SPAG1: variants seen among roughly 807,000 people sequenced by gnomAD.
The protein encoded by SPAG1 is sperm associated antigen 1, also known as sperm-associated antigen 1.
A neutral mutation model predicts 100.5 loss-of-function variants in SPAG1; 69 were observed. The observed-to-expected ratio is 0.69, with a 90% CI of 0.57 to 0.84. SPAG1 has a LOEUF of 0.84. SPAG1 is among the 40% of genes least tolerant of loss of function. The pLI, the probability that SPAG1 is intolerant of heterozygous loss-of-function variation, is 0.00. For missense variants in SPAG1, 955 were observed against 1,133.1 expected (o/e 0.84, Z 2.26); for synonymous variants, 336 against 411.6 (o/e 0.82, Z 2.22).
At chr8:100,205,948 G>A (rs1441000172) in intron 10 of SPAG1, among the ~76,000 whole-genome samples, 1 of 146,684 alleles carries the variant, frequency 6.8e-6, no homozygotes, top group Non-Finnish European at 1.5e-5. Flanking sequence ...GAACCTGGGA[G>A]GCAGAGGTTG....
intron 3 of SPAG1, among the ~76,000 whole-genome samples, chr8:100,172,940 T>C (rs930964514): frequency 4.0e-5 from 6 of 151,844 alleles, no homozygotes; most frequent in African/African-American, 1.2e-4. Context: ...TGTCCAGACT[T>C]TTTGGCTTTG....
At position 100,196,558 on chromosome 8, in the gene SPAG1, G is replaced by A. The variant is rs563857799; in HGVS notation, c.1096+2290G>A. 2.0e-5 allele frequency among the ~76,000 whole-genome samples: 3 copies of A among 152,244 alleles called. No individual in the cohort carries two copies. In the East Asian group the frequency reaches 5.8e-4, roughly 29 times the overall value. ...TCCACCAATTTTCAAAAATTGGGTT[G>A]TTGTTTTCCTACTGTTAAGTCCTGA... On this transcript the variant is annotated intron_variant, in intron 10 of 18. Transcript: ENST00000388798.
chr8:100,213,291 C>G lies in SPAG1; in HGVS notation c.1298C>G (p.Thr433Ser). The G allele has an allele frequency of 8.2e-7, 1 of 1,224,132 alleles. No homozygotes were observed. The highest frequency in any genetic ancestry group is 3.3e-5 in the East Asian group (1 of 30,332). 75.8% of individuals were successfully genotyped at this position (1,224,132 alleles called of 1,614,324 possible). ...GCGGCGGCGGCGGGCGGCGGCGCCA[C>G]CGGGCATCCGGGCGGCGGGCAGGGC... ...SAAAAAGGGA[T>S]GHPGGGQGAE... Residue 433 changes from threonine (T) to serine (S), a missense_variant, in exon 11 of 19, where the codon ACC becomes AGC. Physicochemically the swap from Thr to Ser is moderately conservative, Grantham distance 58. Coordinates refer to ENST00000388798, the MANE Select transcript of SPAG1 (RefSeq NM_003114.5).
At chr8:100,196,768 T>C (rs1246158198) in intron 10 of SPAG1, among the ~76,000 whole-genome samples, 1 of 152,164 alleles carries the variant, frequency 6.6e-6, no homozygotes, top group Non-Finnish European at 1.5e-5. Context: ...GTCAAAGTCA[T>C]GAAGATTTTC....
rs188067131 is a variant in SPAG1 at position 100,206,261 on chromosome 8, G to C, written c.1097-6829G>C. On this transcript the variant is annotated intron_variant, in intron 10 of 18. Transcript: ENST00000388798. ...TCCTGGTACCTGGTATGCAGCCACT[G>C]ACTTGGCAAATGTCTTTTTCTCCAT... Among the ~76,000 whole-genome samples the C allele has an allele frequency of 1.1e-4, 16 of 152,266 alleles. No homozygotes were observed. In the East Asian group the frequency reaches 3.1e-3, roughly 29 times the overall value.
intron 16 of SPAG1, among the ~76,000 whole-genome samples, chr8:100,237,626 T>TC (rs946945773): frequency 6.6e-6 from 1 of 152,168 alleles, no homozygotes; most frequent in African/African-American, 2.4e-5. Flanking sequence ...TCCTCTTAGC[T>TC]CCTGGCACAT....
At chr8:100,200,278 A>G (rs1817217108) in intron 10 of SPAG1, among the ~76,000 whole-genome samples, 2 of 152,168 alleles carry the variant, frequency 1.3e-5, no homozygotes, top group South Asian at 4.1e-4. Flanking sequence ...ACATGAACTC[A>G]TCCTTTTTTA....
At position 100,240,675 on chromosome 8, in the gene SPAG1, T is replaced by C; in HGVS notation, c.2553T>C (p.Leu851=). 4 of 1,614,112 alleles carry C rather than the reference T, an allele frequency of 2.5e-6. No individual in the cohort carries two copies. Among genetic ancestry groups the C allele is most frequent in the Non-Finnish European group, 3.4e-6 (4 of 1,179,990 alleles). ...ACAAACTTGAAGGGGATACATTCCT[T>C]CTCCTCATTCAGTCTCTGAAAAATA... ...LSNKLEGDTF[L]LLIQSLKNNL... is the part of the protein sequence containing the mutation. The change falls in exon 18 of 19, where the codon CTT becomes CTC. Residue 851 remains leucine (L), a synonymous_variant. Coordinates refer to ENST00000388798, the MANE Select transcript of SPAG1 (RefSeq NM_003114.5).
At chr8:100,184,381 A>G (rs1299955039) in intron 6 of SPAG1, among the ~76,000 whole-genome samples, 4 of 152,166 alleles carry the variant, frequency 2.6e-5, no homozygotes, top group Admixed American at 2.6e-4. Flanking sequence ...AAGATGGGGC[A>G]GTTTATTGGA....
intron 10 of SPAG1, among the ~76,000 whole-genome samples, 171 bp from the exon 11 acceptor site, chr8:100,212,919 C>A (rs1315773493): frequency 6.6e-6 from 1 of 152,128 alleles, no homozygotes; most frequent in African/African-American, 2.4e-5. Flanking sequence ...GCGGACTGGG[C>A]CGACTGGCTC....
chr8:100,176,911 T>G (rs1390168420), intron 3 of SPAG1, among the ~76,000 whole-genome samples: 1 of 122,026 alleles, frequency 8.2e-6, no homozygotes, highest in Middle Eastern at 4.2e-3. Flanking sequence ...CCCTCTCTCC[T>G]TTTCCCTCCT....
rs535333857 is a variant in SPAG1 at position 100,204,389 on chromosome 8, A to T, written c.1097-8701A>T. Among the ~76,000 whole-genome samples the T allele has an allele frequency of 1.6e-4, 24 of 152,318 alleles. No homozygotes were observed. In the South Asian group the frequency reaches 5.0e-3, roughly 32 times the overall value. On this transcript the variant is annotated intron_variant, in intron 10 of 18. Transcript: ENST00000388798. ...ATAAACAGAAATCTGGAGAACAGGC[A>T]TGGGAATGGATATTAAGGGTGTGGG... is the stretch of plus-strand genomic sequence containing the variant.
At chr8:100,165,474 C>T in intron 2 of SPAG1, 1 of 362,998 alleles carries the variant, frequency 2.8e-6, no homozygotes, top group Non-Finnish European at 5.3e-6. Flanking sequence ...AAACCTTTGA[C>T]ATGGTGGCGC....
chr8:100,164,716 T>C lies in SPAG1; in HGVS notation c.141-1098T>C, dbSNP rs1466240226. Among the ~76,000 whole-genome samples, 3 of 152,366 alleles carry C rather than the reference T, an allele frequency of 2.0e-5. No individual in the cohort carries two copies. The East Asian group carries it at 5.8e-4, about 29-fold the overall frequency. On this transcript the variant is annotated intron_variant, in intron 2 of 18. Transcript: ENST00000388798. The stretch of plus-strand genomic sequence containing the variant: ...CTGGGAATACAGGCCTGAGCCACAG[T>C]GCCCAACCTGATAAAAATTTAATAT...
At chr8:100,170,947 TCTGA>T (rs1815802185) in intron 3 of SPAG1, among the ~76,000 whole-genome samples, 1 of 152,108 alleles carries the variant, frequency 6.6e-6, no homozygotes, top group African/African-American at 2.4e-5. Context: ...GGGAAATCGT[TCTGA>T]CTTTCACTGT....
chr8:100,205,129 C>T (rs960789423), intron 10 of SPAG1, among the ~76,000 whole-genome samples: 1 of 152,184 alleles, frequency 6.6e-6, no homozygotes, highest in Non-Finnish European at 1.5e-5. Context: ...AACAGAGAAT[C>T]ATGGCTTTTC....
At chr8:100,174,163 T>C (rs1563773742) in intron 3 of SPAG1, among the ~76,000 whole-genome samples, 1 of 152,190 alleles carries the variant, frequency 6.6e-6, no homozygotes, top group South Asian at 2.1e-4. Flanking sequence ...ACTTAACTAT[T>C]GATAGTCTAT....
At chr8:100,162,227 A>G in intron 1 of SPAG1, 52 bp from the exon 2 acceptor site, 3 of 1,386,764 alleles carry the variant, frequency 2.2e-6, no homozygotes, top group Non-Finnish European at 3.0e-6. Context: ...CACTATCCAA[A>G]TTGAGTATTA....
intron 10 of SPAG1, among the ~76,000 whole-genome samples, chr8:100,201,354 G>A (rs935429631): frequency 3.3e-5 from 5 of 151,818 alleles, no homozygotes; most frequent in Admixed American, 1.3e-4. Flanking sequence ...TGAACCCCTG[G>A]GCTCAAGACA....
Sources: gnomAD v4.1 joint callset for allele counts (sites outside exome capture counted in the v4.1 genomes callset) on GRCh38, gnomAD v4.1.1 for gene constraint, MANE v1.5 for transcripts, NCBI Gene and HGNC (gene_info 2026-07-23, HGNC 2026-07-21) for gene names.